SEC61A2: variants seen among roughly 807,000 people sequenced by gnomAD.
SEC61A2 encodes protein transport protein Sec61 subunit alpha isoform 2.
A neutral mutation model predicts 59.9 loss-of-function variants in SEC61A2; 28 were observed. That is an observed-to-expected ratio of 0.47 (90% CI 0.35 to 0.64). The LOEUF is 0.64. Among genes scored for constraint, SEC61A2 ranks in the 30% least tolerant of loss-of-function variants. The pLI is 0.01. For synonymous variants in SEC61A2, 202 were observed against 214.4 expected (o/e 0.94, Z 0.50); for missense variants, 340 against 585.9 (o/e 0.58, Z 4.33).
chr10:12,153,608 C>A lies in SEC61A2; in HGVS notation c.463-2170C>A. 1.0e-6 allele frequency: 1 copy of A among 985,378 alleles called. No homozygotes were observed. The highest frequency in any genetic ancestry group is 1.9e-5 in the South Asian group (1 of 52,260). The allele number at this position is 985,378 out of a possible 1,614,324, so 61.0% of individuals were successfully genotyped here. ...GAATGAAACAAGTGAAGTGGATGTA[C>A]ACTGATTCATTTACATGAATTCTGA... is the stretch of plus-strand genomic sequence containing the variant. On this transcript the variant is annotated intron_variant, in intron 6 of 11. Coordinates refer to ENST00000298428, the MANE Select transcript of SEC61A2 (RefSeq NM_018144.4). This position sits in a 1 kb window ranked among gnomAD's most constrained non-coding sequence, Gnocchi z 5.2.
chr10:12,131,324 C>T (rs1833732560), intron 1 of SEC61A2, among the ~76,000 whole-genome samples: 1 of 152,164 alleles, frequency 6.6e-6, no homozygotes, highest in Non-Finnish European at 1.5e-5. Flanking sequence ...AATCCAGTGT[C>T]TGTAGGGGAA....
Position 12,156,053 on chromosome 10 carries a change from C to T in SEC61A2, c.616+122C>T, listed in dbSNP as rs147045003. The T allele has an allele frequency of 2.0e-3, 1,875 of 943,048 alleles. No individual in the cohort carries two copies. The highest frequency in any genetic ancestry group is 2.5e-3 in the Non-Finnish European group (1,534 of 614,244). The allele number at this position is 943,048 out of a possible 1,614,324, so 58.4% of individuals were successfully genotyped here. A position where few individuals can be genotyped will look rare whatever the true frequency, so the allele number is the denominator to read the frequency against. ...TTGCTCTCCTAGGGGATAAGGAATG[C>T]GAATTCTTCAAAACTTAATGAGCAG... On this transcript the variant is annotated intron_variant, in intron 7 of 11. Transcript: ENST00000298428. The surrounding 1 kb of genome is among the most constrained non-coding windows in gnomAD (Gnocchi z 5.2).
At chr10:12,147,974 T>C (rs1834183561) in intron 4 of SEC61A2, among the ~76,000 whole-genome samples, 2 of 151,638 alleles carry the variant, frequency 1.3e-5, no homozygotes, top group South Asian at 4.2e-4. Flanking sequence ...TCTCGCTCTG[T>C]CACCCAGGCT....
Position 12,161,046 on chromosome 10 carries a change from T to C in SEC61A2, c.1092T>C (p.Tyr364=), listed in dbSNP as rs1447438251. 3.1e-6 allele frequency: 5 copies of C among 1,614,026 alleles called. No homozygotes were observed. Among genetic ancestry groups the C allele is most frequent in the African/African-American group, 1.3e-5 (1 of 74,940 alleles). ...IFEDPVHVVV[Y]IIFMLGSCAF... ...AGGATCCTGTCCATGTCGTTGTTTA[T>C]ATCATCTTCATGTTGGGGTCATGTG... Residue 364 remains tyrosine, a synonymous_variant, in exon 10 of 12, where the codon TAT becomes TAC. Coordinates refer to ENST00000298428, the MANE Select transcript of SEC61A2 (RefSeq NM_018144.4). The surrounding 1 kb of genome is among the most constrained non-coding windows in gnomAD (Gnocchi z 5.4).
chr10:12,159,924 A>G (rs1237405112), intron 9 of SEC61A2, among the ~76,000 whole-genome samples: 1 of 152,178 alleles, frequency 6.6e-6, no homozygotes. Flanking sequence ...TTAAGATAAT[A>G]AGACAGTAAC....
chr10:12,138,466 A>G (rs35710960), intron 3 of SEC61A2, among the ~76,000 whole-genome samples: 54,709 of 151,954 alleles, frequency 0.36, 10,138 homozygotes, highest in East Asian at 0.42. Flanking sequence ...GTACACCCAC[A>G]TGACTACAAC....
chr10:12,161,011 G>T lies in SEC61A2; in HGVS notation c.1057G>T (p.Ala353Ser). Residue 353 changes from alanine (A) to serine (S), a missense_variant, in exon 10 of 12, where the codon GCC becomes TCC. Physicochemically the swap from Ala to Ser is moderately conservative, Grantham distance 99 (BLOSUM62 1). Coordinates refer to ENST00000298428, the MANE Select transcript of SEC61A2 (RefSeq NM_018144.4). The surrounding 1 kb of genome is among the most constrained non-coding windows in gnomAD (Gnocchi z 5.4). ...YYLSPPESMG[A>S]IFEDPVHVVV... ...TCTTTCTCCTCCTGAGTCCATGGGC[G>T]CCATCTTTGAGGATCCTGTCCATGT... 1 of 1,614,046 alleles carries T rather than the reference G, an allele frequency of 6.2e-7. No individual in the cohort carries two copies. Among genetic ancestry groups the T allele is most frequent in the Non-Finnish European group, 8.5e-7 (1 of 1,179,932 alleles).
At chr10:12,133,029 G>A (rs1483702268) in intron 1 of SEC61A2, among the ~76,000 whole-genome samples, 2 of 152,140 alleles carry the variant, frequency 1.3e-5, no homozygotes, top group Non-Finnish European at 2.9e-5. Context: ...CTACTGACCA[G>A]CCATCAAACC....
Position 12,156,824 on chromosome 10 carries a change from C to T in SEC61A2, c.617-83C>T. The T allele has an allele frequency of 7.1e-7, 1 of 1,409,372 alleles. No individual in the cohort carries two copies. The highest frequency in any genetic ancestry group is 9.8e-7 in the Non-Finnish European group (1 of 1,016,860). 87.3% of individuals were successfully genotyped at this position (1,409,372 alleles called of 1,614,324 possible). A position where few individuals can be genotyped will look rare whatever the true frequency, so the allele number is the denominator to read the frequency against. ...TTTGACCCATATTTTCTGCTGTATACTGGACTTTCACGGTTAGTTGTTTGA... is the reference window on the plus strand; with the variant it reads ...TTTGACCCATATTTTCTGCTGTATATTGGACTTTCACGGTTAGTTGTTTGA... On this transcript the variant is annotated intron_variant, in intron 7 of 11. Transcript: ENST00000298428. The surrounding 1 kb of genome is among the most constrained non-coding windows in gnomAD (Gnocchi z 5.2).
downstream of SEC61A2, chr10:12,167,387 C>G (rs1834728165): frequency 3.9e-6 from 1 of 255,396 alleles, no homozygotes; most frequent in Non-Finnish European, 7.6e-6. Context: ...TTTCTCTATA[C>G]AAATACCCCT....
At position 12,155,530 on chromosome 10, in the gene SEC61A2, G is replaced by A; in HGVS notation, c.463-248G>A. 1.5e-6 allele frequency: 1 copy of A among 682,754 alleles called. No individual in the cohort carries two copies. Among genetic ancestry groups the A allele is most frequent in the Non-Finnish European group, 2.4e-6 (1 of 413,352 alleles). 42.3% of individuals were successfully genotyped at this position (682,754 alleles called of 1,614,324 possible). On this transcript the variant is annotated intron_variant, in intron 6 of 11. Transcript: ENST00000298428. The surrounding 1 kb of genome is among the most constrained non-coding windows in gnomAD (Gnocchi z 4.3). ...TGCAAAAGAAACTATTCAGATAAGTGTAAATAGACTTTAAAAGTTGAAATG... is the reference window on the plus strand; with the variant it reads ...TGCAAAAGAAACTATTCAGATAAGTATAAATAGACTTTAAAAGTTGAAATG...
Position 12,154,878 on chromosome 10 carries a change from C to T in SEC61A2, c.463-900C>T, listed in dbSNP as rs1432257259. Among the ~76,000 whole-genome samples, 4 of 152,142 alleles carry T rather than the reference C, an allele frequency of 2.6e-5. No homozygotes were observed. Among genetic ancestry groups the T allele is most frequent in the African/African-American group, 9.7e-5 (4 of 41,424 alleles). ...GGGAGGAATGGAAGTGACTTCCTCA[C>T]TTCTGCCGGAGGGTGTCTTTAAAGT... On this transcript the variant is annotated intron_variant, in intron 6 of 11. Transcript: ENST00000298428. This position sits in a 1 kb window ranked among gnomAD's most constrained non-coding sequence, Gnocchi z 5.2.
rs1022580668 is a variant in SEC61A2 at position 12,155,664 on chromosome 10, C to T, written c.463-114C>T. On this transcript the variant is annotated intron_variant, in intron 6 of 11. Coordinates refer to ENST00000298428, the MANE Select transcript of SEC61A2 (RefSeq NM_018144.4). The surrounding 1 kb of genome is among the most constrained non-coding windows in gnomAD (Gnocchi z 4.3). Reference sequence around the variant, plus strand: ...GTTGGTCATCACAGTGAGATTGCAACGATCAGGCCTTAATATTCAAAACGC... The same window carrying T: ...GTTGGTCATCACAGTGAGATTGCAATGATCAGGCCTTAATATTCAAAACGC... 18 of 1,214,882 alleles carry T rather than the reference C, an allele frequency of 1.5e-5. No individual in the cohort carries two copies. Among genetic ancestry groups the T allele is most frequent in the East Asian group, 1.2e-4 (5 of 42,898 alleles). The allele number at this position is 1,214,882 out of a possible 1,614,324, so 75.3% of individuals were successfully genotyped here.
rs139440795 is a variant in SEC61A2, at chr10:12,157,357, C to T, written c.777+290C>T. On this transcript the variant is annotated intron_variant, in intron 8 of 11. Coordinates refer to ENST00000298428, the MANE Select transcript of SEC61A2 (RefSeq NM_018144.4). ...TTTCTTTTCTTTTTTTTTCCTGAGA[C>T]GGAGTTTTGCTCTTGTTGCCCAGGC... 1.8e-3 allele frequency among the ~76,000 whole-genome samples: 271 copies of T among 151,882 alleles called. 6 individuals carry two copies. The East Asian group carries it at 0.046, about 26-fold the overall frequency.
In SEC61A2 at chr10:12,162,184, G is replaced by A; in HGVS notation, c.1168-29G>A. On this transcript the variant is annotated intron_variant, in intron 10 of 11. Transcript: ENST00000298428. The surrounding 1 kb of genome is among the most constrained non-coding windows in gnomAD (Gnocchi z 6.1). ...TGTAAGCAGTGAAATGTTCCAGTTG[G>A]ATTTTGAAAGTCGTTTTTCTCTCGG... 1 of 1,598,872 alleles carries A rather than the reference G, an allele frequency of 6.3e-7. No homozygotes were observed. Among genetic ancestry groups the A allele is most frequent in the Non-Finnish European group, 8.6e-7 (1 of 1,166,598 alleles).
At chr10:12,150,437 C>T (rs1479936592) in intron 6 of SEC61A2, among the ~76,000 whole-genome samples, 2 of 152,196 alleles carry the variant, frequency 1.3e-5, no homozygotes, top group South Asian at 4.1e-4. Context: ...TGAGTTCAAT[C>T]GCTGTCTAAA....
downstream of SEC61A2, chr10:12,169,134 A>T: frequency 1.7e-6 from 1 of 586,914 alleles, no homozygotes; most frequent in Non-Finnish European, 3.0e-6. The surrounding 1 kb of genome is among the most constrained non-coding windows in gnomAD (Gnocchi z 4.8). Context: ...AAACGGTTTG[A>T]TTACTGTATT....
chr10:12,147,967 C>T (rs551256727), intron 4 of SEC61A2, among the ~76,000 whole-genome samples: 13 of 148,638 alleles, frequency 8.7e-5, no homozygotes, highest in Non-Finnish European at 1.5e-4. Context: ...GACAGAGTCT[C>T]GCTCTGTCAC....
At chr10:12,150,031 C>T (rs895187563) in intron 6 of SEC61A2, 70 bp downstream of exon 6, 1 of 997,314 alleles carries the variant, frequency 1.0e-6, no homozygotes. Context: ...TCTAACAGTT[C>T]TTTAGGTGAT....
Sources: allele counts gnomAD v4.1 joint callset (sites outside exome capture counted in the v4.1 genomes callset), GRCh38; gene constraint gnomAD v4.1.1; non-coding constraint Gnocchi (gnomAD v3.1); transcripts MANE v1.5; gene names NCBI Gene and HGNC (gene_info 2026-07-23, HGNC 2026-07-21).